The following NBEA variants were observed in gnomAD, a reference collection of about 807,000 sequenced individuals.
NBEA encodes the protein lysosomal-trafficking regulator 2.
A neutral mutation model predicts 343.4 loss-of-function variants in NBEA; 44 were observed. That is an observed-to-expected ratio of 0.13 (90% CI 0.10 to 0.16). The LOEUF (loss-of-function observed/expected upper bound fraction) is 0.16. Among genes scored for constraint, NBEA ranks in the 10% least tolerant of loss-of-function variants. The pLI, the probability that NBEA is intolerant of heterozygous loss-of-function variation, is 1.00. For missense variants in NBEA, 2,555 were observed against 3,631.3 expected, an observed-to-expected ratio of 0.70 and a Z score of 7.62; for synonymous variants, 1,175 against 1,238.7, an observed-to-expected ratio of 0.95 and a Z score of 1.08.
chr13:35,089,274 G>A (rs1464876918), intron 10 of NBEA, among the ~76,000 whole-genome samples: 1 of 143,726 alleles, frequency 7.0e-6, no homozygotes, highest in Non-Finnish European at 1.5e-5. Context: ...CTTCTCAAAA[G>A]AAGACATTTA....
chr13:34,985,117 A>G (rs1203299764), intron 1 of NBEA, among the ~76,000 whole-genome samples: 2 of 151,106 alleles, frequency 1.3e-5, no homozygotes, highest in Admixed American at 1.3e-4. Flanking sequence ...GTCTTGTGCC[A>G]GTTTTCAAAA....
chr13:35,625,529 A>C (rs2083188273), intron 48 of NBEA, among the ~76,000 whole-genome samples: 1 of 152,044 alleles, frequency 6.6e-6, no homozygotes, highest in South Asian at 2.1e-4. Flanking sequence ...GGAGGCTGAG[A>C]TGGAAGGATC....
At chr13:35,319,009 T>A (rs2037946451) in intron 36 of NBEA, among the ~76,000 whole-genome samples, 1 of 152,188 alleles carries the variant, frequency 6.6e-6, no homozygotes, top group Non-Finnish European at 1.5e-5. Flanking sequence ...TTTATTATTC[T>A]GGCTAGAGGT....
chr13:35,167,769 T>C (rs2070152013), intron 24 of NBEA, among the ~76,000 whole-genome samples: 1 of 151,852 alleles, frequency 6.6e-6, no homozygotes, highest in African/African-American at 2.4e-5. Flanking sequence ...TTCTCTAATA[T>C]ATTGTTTAAC....
intron 39 of NBEA, among the ~76,000 whole-genome samples, chr13:35,435,336 T>A (rs914518854): frequency 1.3e-5 from 2 of 152,156 alleles, no homozygotes; most frequent in Admixed American, 1.3e-4. Context: ...TTCTAGATGA[T>A]TGCAGTTGGT....
At chr13:35,288,417 C>G (rs2152816549) in intron 34 of NBEA, among the ~76,000 whole-genome samples, 1 of 151,980 alleles carries the variant, frequency 6.6e-6, no homozygotes, top group East Asian at 1.9e-4. Flanking sequence ...AGACAAAACA[C>G]ATGAGTAAAG....
chr13:35,596,889 A>G (rs958185126), intron 47 of NBEA, among the ~76,000 whole-genome samples: 6 of 152,024 alleles, frequency 3.9e-5, no homozygotes, highest in African/African-American at 1.4e-4. Flanking sequence ...ATGCCAGGGC[A>G]TCAGTCTTTT....
At chr13:35,483,016 G>T (rs369597281) in intron 41 of NBEA, among the ~76,000 whole-genome samples, 1 of 151,708 alleles carries the variant, frequency 6.6e-6, no homozygotes. Flanking sequence ...TTACTATTTT[G>T]TCATGCTTCT....
chr13:35,059,382 A>G (rs971841212), intron 8 of NBEA, among the ~76,000 whole-genome samples: 9 of 151,886 alleles, frequency 5.9e-5, no homozygotes, highest in African/African-American at 1.7e-4. Flanking sequence ...GTAATTTATC[A>G]TATTCTTTTT....
intron 41 of NBEA, among the ~76,000 whole-genome samples, chr13:35,535,809 A>G (rs1013493216): frequency 2.6e-5 from 4 of 152,168 alleles, no homozygotes; most frequent in Admixed American, 1.3e-4. Context: ...GCATACAGAT[A>G]TATAAAAAAT....
chr13:35,665,580 G>A, intron 56 of NBEA, among the ~76,000 whole-genome samples: 1 of 152,138 alleles, frequency 6.6e-6, no homozygotes, highest in East Asian at 1.9e-4. Context: ...GCCAGGGGCT[G>A]TGTAGAGGTT....
intron 1 of NBEA, among the ~76,000 whole-genome samples, chr13:34,990,532 T>C (rs2060715276): frequency 6.6e-6 from 1 of 150,956 alleles, no homozygotes; most frequent in African/African-American, 2.4e-5. Context: ...CAGGGAGCAG[T>C]GTTCTGAGGT....
chr13:35,198,499 G>C (rs929423672), intron 31 of NBEA, among the ~76,000 whole-genome samples: 11 of 152,062 alleles, frequency 7.2e-5, no homozygotes, highest in Non-Finnish European at 1.6e-4. Flanking sequence ...AGTCACCTGA[G>C]TGCTAATATT....
At chr13:35,396,799 C>T (rs2042767869) in intron 38 of NBEA, among the ~76,000 whole-genome samples, 2 of 152,110 alleles carry the variant, frequency 1.3e-5, no homozygotes, top group African/African-American at 2.4e-5. Flanking sequence ...TTTACTCCTC[C>T]AAACCGGAAG....
chr13:35,264,779 G>C (rs753842351), intron 34 of NBEA, among the ~76,000 whole-genome samples: 1 of 151,832 alleles, frequency 6.6e-6, no homozygotes, highest in South Asian at 2.1e-4. Context: ...AACACGACTA[G>C]CATCATATTC....
chr13:35,274,172 A>G (rs946601774), intron 34 of NBEA, among the ~76,000 whole-genome samples: 6 of 152,208 alleles, frequency 3.9e-5, no homozygotes, highest in African/African-American at 1.2e-4. Context: ...ACCATGGTCA[A>G]TTCAGCTCCA....
chr13:34,952,810 A>G (rs537618935), intron 1 of NBEA, among the ~76,000 whole-genome samples: 2 of 152,200 alleles, frequency 1.3e-5, no homozygotes, highest in African/African-American at 2.4e-5. Flanking sequence ...AAGATGGTAT[A>G]TAAATATTTT....
rs2062948206 is a variant in NBEA at position 35,048,610 on chromosome 13, C to T, written c.771C>T (p.Phe257=). 1.3e-6 allele frequency: 2 copies of T among 1,576,352 alleles called. No individual in the cohort carries two copies. Among genetic ancestry groups the T allele is most frequent in the East Asian group, 2.2e-5 (1 of 44,450 alleles). The change falls in exon 5 of 59, where the codon TTC becomes TTT. Residue 257 remains phenylalanine, a synonymous_variant. Transcript: ENST00000379939. ...CAAAGTGGCCTTATCAGAATGGCTT[C>T]ACCTTAAACACTTGGTTTCGTATGG... is the stretch of plus-strand genomic sequence containing the variant. ...PIAKWPYQNG[F]TLNTWFRMDP... is the part of the protein sequence containing the mutation.
intron 45 of NBEA, among the ~76,000 whole-genome samples, chr13:35,569,552 A>G (rs1431523179): frequency 6.6e-6 from 1 of 151,982 alleles, no homozygotes; most frequent in Non-Finnish European, 1.5e-5. Context: ...TTTTCTCTCC[A>G]TTTATTTATT....
Sources: gnomAD v4.1 joint callset for allele counts (sites outside exome capture counted in the v4.1 genomes callset) on GRCh38, gnomAD v4.1.1 for gene constraint, MANE v1.5 for transcripts, NCBI Gene and HGNC (gene_info 2026-07-23, HGNC 2026-07-21) for gene names.